The following EXOC4 variants were observed in gnomAD, a reference collection of about 807,000 sequenced individuals.
EXOC4 encodes SEC8-like 1.
A neutral mutation model predicts 107.2 loss-of-function variants in EXOC4; 71 were observed. The observed-to-expected ratio is 0.66, with a 90% CI of 0.55 to 0.81. The LOEUF is 0.81. Among genes scored for constraint, EXOC4 ranks in the 30% least tolerant of loss-of-function variants. EXOC4 has a pLI of 0.00. For missense variants in EXOC4, 1,108 were observed against 1,189.6 expected (o/e 0.93, Z 1.01); for synonymous variants, 456 against 441.2 (o/e 1.03, Z -0.42).
chr7:133,661,435 G>A (rs1793677213), intron 10 of EXOC4, among the ~76,000 whole-genome samples: 1 of 152,078 alleles, frequency 6.6e-6, no homozygotes, highest in African/African-American at 2.4e-5. Flanking sequence ...AAGTGTAAAA[G>A]TTTGCTGCTA....
chr7:133,292,608 T>C (rs766947598), intron 3 of EXOC4, among the ~76,000 whole-genome samples: 24 of 152,214 alleles, frequency 1.6e-4, no homozygotes, highest in Non-Finnish European at 3.1e-4. Context: ...AAGTGATGAC[T>C]TCTTTTTTAA....
chr7:133,763,394 G>T (rs1267820160), intron 10 of EXOC4, among the ~76,000 whole-genome samples: 1 of 152,040 alleles, frequency 6.6e-6, no homozygotes, highest in African/African-American at 2.4e-5. Flanking sequence ...CAGTTGTGTT[G>T]GTTGGTTTAT....
At chr7:133,425,563 AG>A (rs1214128380) in intron 7 of EXOC4, among the ~76,000 whole-genome samples, 1 of 152,168 alleles carries the variant, frequency 6.6e-6, no homozygotes, top group Non-Finnish European at 1.5e-5. Context: ...CTGGGATTAC[AG>A]GCGTGAGCCA....
In EXOC4 at chr7:133,343,366, G is replaced by A. The variant is rs544864054; in HGVS notation, c.764-12964G>A. 2.6e-5 allele frequency among the ~76,000 whole-genome samples: 4 copies of A among 152,200 alleles called. No individual in the cohort carries two copies. In the South Asian group the frequency reaches 8.3e-4, roughly 32 times the overall value. On this transcript the variant is annotated intron_variant, in intron 5 of 17. Transcript: ENST00000253861. The stretch of plus-strand genomic sequence containing the variant: ...TGGGGGTTTCTGCAAAGAGTCTTGG[G>A]ATGTGATCTGTCTTCAGGTCTCTCA...
intron 10 of EXOC4, among the ~76,000 whole-genome samples, chr7:133,800,770 TG>T (rs1044897869): frequency 3.6e-4 from 55 of 152,320 alleles, no homozygotes; most frequent in African/African-American, 1.2e-3. Flanking sequence ...AACTTCAGTG[TG>T]GGTAGGCAGG....
At chr7:133,331,146 G>A (rs1358291515) in intron 5 of EXOC4, among the ~76,000 whole-genome samples, 2 of 152,030 alleles carry the variant, frequency 1.3e-5, no homozygotes, top group Non-Finnish European at 2.9e-5. Flanking sequence ...GCAAAAGCAA[G>A]AATCCATTAA....
intron 10 of EXOC4, among the ~76,000 whole-genome samples, chr7:133,725,140 C>A (rs2151110804): frequency 6.6e-6 from 1 of 152,272 alleles, no homozygotes; most frequent in East Asian, 1.9e-4. Context: ...GCCAATGCAC[C>A]TGAGGAACTG....
intron 14 of EXOC4, among the ~76,000 whole-genome samples, chr7:133,940,813 T>A (rs1800408711): frequency 6.6e-6 from 1 of 151,836 alleles, no homozygotes; most frequent in Non-Finnish European, 1.5e-5. Flanking sequence ...AAATGATTAC[T>A]GCAACAAAAG....
At chr7:133,969,679 G>A (rs1431948533) in intron 14 of EXOC4, among the ~76,000 whole-genome samples, 2 of 152,244 alleles carry the variant, frequency 1.3e-5, no homozygotes, top group Non-Finnish European at 2.9e-5. Context: ...CTGCAGAACA[G>A]CAAAGATTGC....
intron 10 of EXOC4, among the ~76,000 whole-genome samples, chr7:133,811,842 A>G (rs928665035): frequency 1.3e-5 from 2 of 152,354 alleles, no homozygotes; most frequent in Admixed American, 6.5e-5. Flanking sequence ...AGGGCATTAC[A>G]TGCCAGATAG....
chr7:133,655,408 C>CTACA (rs1240735068), intron 10 of EXOC4, among the ~76,000 whole-genome samples: 31 of 152,130 alleles, frequency 2.0e-4, no homozygotes, highest in Admixed American at 2.0e-3. Context: ...AGTTGCCCTG[C>CTACA]TGTATAATAG....
chr7:133,881,872 G>T (rs1168401553), intron 11 of EXOC4, among the ~76,000 whole-genome samples: 1 of 152,084 alleles, frequency 6.6e-6, no homozygotes, highest in East Asian at 1.9e-4. Flanking sequence ...TACATCTAAG[G>T]ATTGTATTCT....
At chr7:133,300,458 T>A (rs564171065) in intron 3 of EXOC4, among the ~76,000 whole-genome samples, 1 of 152,324 alleles carries the variant, frequency 6.6e-6, no homozygotes, top group South Asian at 2.1e-4. Context: ...GACCCTTGAA[T>A]GAATCCCCTT....
At chr7:133,590,522 T>G (rs1315576745) in intron 9 of EXOC4, among the ~76,000 whole-genome samples, 1 of 152,092 alleles carries the variant, frequency 6.6e-6, no homozygotes, top group African/African-American at 2.4e-5. Context: ...TGCCCCATCC[T>G]GTACCCATAA....
chr7:134,047,354 A>G (rs754797716), intron 17 of EXOC4, among the ~76,000 whole-genome samples: 8 of 152,090 alleles, frequency 5.3e-5, no homozygotes, highest in Admixed American at 2.6e-4. Context: ...TAGGAGAGCC[A>G]CATTGTGGAG....
At chr7:133,846,469 C>T (rs1173448989) in intron 11 of EXOC4, among the ~76,000 whole-genome samples, 2 of 152,112 alleles carry the variant, frequency 1.3e-5, no homozygotes, top group East Asian at 3.9e-4. Flanking sequence ...ATGTGGGTGG[C>T]GTTCATCCTG....
intron 1 of EXOC4, among the ~76,000 whole-genome samples, chr7:133,258,015 G>A (rs1238772689): frequency 6.6e-6 from 1 of 152,190 alleles, no homozygotes; most frequent in Non-Finnish European, 1.5e-5. Flanking sequence ...GTTGGGTGAG[G>A]TGTTAATGTT....
At position 133,940,136 on chromosome 7, in the gene EXOC4, T is replaced by C. The variant is rs151159783; in HGVS notation, c.2206+2067T>C. The stretch of plus-strand genomic sequence containing the variant: ...TCTTATTTCTAATGACATACCATTC[T>C]AGATTTCTATTCTGCCCATTCTAAA... On this transcript the variant is annotated intron_variant, in intron 14 of 17. Transcript: ENST00000253861. 3.9e-5 allele frequency among the ~76,000 whole-genome samples: 6 copies of C among 152,344 alleles called. No individual in the cohort carries two copies. The East Asian group carries it at 1.2e-3, about 29-fold the overall frequency.
intron 14 of EXOC4, among the ~76,000 whole-genome samples, chr7:133,961,382 G>A (rs1426524001): frequency 7.4e-6 from 1 of 135,504 alleles, no homozygotes. Context: ...TGCCTCCCAG[G>A]TTCAAGCAAT....
Sources: allele counts gnomAD v4.1 joint callset (sites outside exome capture counted in the v4.1 genomes callset), GRCh38; gene constraint gnomAD v4.1.1; transcripts MANE v1.5; gene names NCBI Gene and HGNC (gene_info 2026-07-23, HGNC 2026-07-21).